The following CSMD1 variants were observed in gnomAD, a reference collection of about 807,000 sequenced individuals.
The protein encoded by CSMD1 is CUB and sushi domain-containing protein 1.
Under a neutral mutation model 417.5 loss-of-function variants are expected in CSMD1, and 213 were observed. That is an observed-to-expected ratio of 0.51 (90% CI 0.46 to 0.57). CSMD1 has a LOEUF of 0.57. Ranked by LOEUF, CSMD1 falls within the 20% of genes least tolerant of loss-of-function variation. The pLI is 0.00. For synonymous variants in CSMD1, 2,862 were observed against 1,736.8 expected (o/e 1.65, Z -16.11); for missense variants, 6,923 against 4,529.7 (o/e 1.53, Z -15.17).
chr8:4,006,819 T>C (rs1045693368), intron 4 of CSMD1, among the ~76,000 whole-genome samples: 3 of 132,112 alleles, frequency 2.3e-5, no homozygotes, highest in African/African-American at 5.8e-5. Context: ...CCAGGACTTT[T>C]CCTATTTTTT....
chr8:4,037,921 G>A (rs1036421755), intron 3 of CSMD1, among the ~76,000 whole-genome samples: 1 of 151,842 alleles, frequency 6.6e-6, no homozygotes, highest in Non-Finnish European at 1.5e-5. Context: ...GTGGGAATAG[G>A]AAAAAAAGTT....
chr8:4,085,429 A>G (rs548892724), intron 3 of CSMD1, among the ~76,000 whole-genome samples: 1 of 152,210 alleles, frequency 6.6e-6, no homozygotes, highest in Non-Finnish European at 1.5e-5. Flanking sequence ...GATTTTGATT[A>G]TTTAGAAAAT....
chr8:4,746,472 G>T (rs547615693), intron 1 of CSMD1, among the ~76,000 whole-genome samples: 2 of 152,202 alleles, frequency 1.3e-5, no homozygotes, highest in Non-Finnish European at 2.9e-5. Context: ...GCTCCCTCAA[G>T]AATGAGTGAT....
chr8:3,694,822 G>T (rs576207052), intron 7 of CSMD1, among the ~76,000 whole-genome samples: 2 of 151,938 alleles, frequency 1.3e-5, no homozygotes, highest in Non-Finnish European at 1.5e-5. Flanking sequence ...GGGGAACGCG[G>T]CAAGGAATGA....
chr8:4,284,874 A>G (rs1159787286), intron 3 of CSMD1, among the ~76,000 whole-genome samples: 1 of 152,306 alleles, frequency 6.6e-6, no homozygotes, highest in East Asian at 1.9e-4. Context: ...AAACTAGTTT[A>G]AAAAACACTT....
At position 4,458,789 on chromosome 8, in the gene CSMD1, A is replaced by G. The variant is rs188683854; in HGVS notation, c.303-38724T>C. 1.3e-3 allele frequency among the ~76,000 whole-genome samples: 194 copies of G among 151,962 alleles called. 1 individual carries two copies. The highest frequency in any genetic ancestry group is 4.4e-3 in the African/African-American group (182 of 41,234). On this transcript the variant is annotated intron_variant, in intron 2 of 69. Transcript: ENST00000635120. Reference sequence around the variant, plus strand: ...ATTGAATAAGATAACGGTTAGGAATATTTAATTTTTTTTAACAACTTTTCA... The same window carrying G: ...ATTGAATAAGATAACGGTTAGGAATGTTTAATTTTTTTTAACAACTTTTCA...
chr8:4,936,564 C>T (rs990417833), intron 1 of CSMD1, among the ~76,000 whole-genome samples: 3 of 152,190 alleles, frequency 2.0e-5, no homozygotes, highest in Non-Finnish European at 4.4e-5. Flanking sequence ...AATTCATAAG[C>T]ATTTTAAGTA....
At chr8:2,953,764 G>C (rs1003302636) in intron 65 of CSMD1, among the ~76,000 whole-genome samples, 3 of 152,218 alleles carry the variant, frequency 2.0e-5, no homozygotes, top group African/African-American at 4.8e-5. Context: ...AGAAGGCAAA[G>C]CATGCCTAGA....
intron 23 of CSMD1, among the ~76,000 whole-genome samples, chr8:3,315,433 A>AGAGAGTGT (rs1563263704): frequency 2.2e-5 from 1 of 44,810 alleles, no homozygotes; most frequent in African/African-American, 7.7e-5. Context: ...TTCTAGGTGA[A>AGAGAGTGT]GTGAGTGTGT....
intron 5 of CSMD1, among the ~76,000 whole-genome samples, chr8:3,941,560 T>C (rs764836022): frequency 6.6e-6 from 1 of 152,184 alleles, no homozygotes; most frequent in Non-Finnish European, 1.5e-5. Context: ...GTGGGTTTCC[T>C]TGGATATTTT....
rs1798966916 is a variant in CSMD1, at chr8:3,777,717, A to G, written c.819-23675T>C. On this transcript the variant is annotated intron_variant, in intron 5 of 69. Coordinates refer to ENST00000635120, the MANE Select transcript of CSMD1 (RefSeq NM_033225.6). ...GACCTGCGGCCTCCTTCAGATGCAG[A>G]GTCTCAGGCCACACTCCAGACCTGC... Among the ~76,000 whole-genome samples the G allele has an allele frequency of 3.3e-5, 5 of 152,258 alleles. No homozygotes were observed. In the South Asian group the frequency reaches 1.0e-3, roughly 32 times the overall value.
intron 3 of CSMD1, among the ~76,000 whole-genome samples, chr8:4,325,560 T>C (rs936745977): frequency 6.6e-6 from 1 of 152,164 alleles, no homozygotes; most frequent in African/African-American, 2.4e-5. Flanking sequence ...ATGCCTACCT[T>C]GTTAGCTTTT....
At chr8:3,832,991 C>T (rs952047141) in intron 5 of CSMD1, among the ~76,000 whole-genome samples, 52 of 152,120 alleles carry the variant, frequency 3.4e-4, no homozygotes, top group African/African-American at 1.3e-3. Flanking sequence ...ACACTGTTTT[C>T]TTTTTATATT....
intron 5 of CSMD1, among the ~76,000 whole-genome samples, chr8:3,867,045 T>G (rs971533262): frequency 6.6e-6 from 1 of 152,214 alleles, no homozygotes; most frequent in African/African-American, 2.4e-5. Flanking sequence ...ACTTGTAGAA[T>G]TGCTATTTAG....
intron 3 of CSMD1, among the ~76,000 whole-genome samples, chr8:4,157,021 T>G (rs940741134): frequency 6.6e-6 from 1 of 152,128 alleles, no homozygotes; most frequent in Admixed American, 6.5e-5. Flanking sequence ...TGGCCAGGCA[T>G]TGAGGGGCAT....
chr8:4,678,954 A>C (rs1473071231), intron 1 of CSMD1, among the ~76,000 whole-genome samples: 1 of 152,218 alleles, frequency 6.6e-6, no homozygotes, highest in Non-Finnish European at 1.5e-5. Flanking sequence ...AGCCAACCTT[A>C]CCAGCTATGC....
chr8:4,122,983 G>C (rs1306135207), intron 3 of CSMD1, among the ~76,000 whole-genome samples: 1 of 152,190 alleles, frequency 6.6e-6, no homozygotes, highest in East Asian at 1.9e-4. Flanking sequence ...GTGATAATTG[G>C]CAAAGACGTG....
At chr8:3,416,838 A>G (rs1007198016) in intron 12 of CSMD1, among the ~76,000 whole-genome samples, 1 of 152,234 alleles carries the variant, frequency 6.6e-6, no homozygotes, top group African/African-American at 2.4e-5. Flanking sequence ...CATGAATGAC[A>G]GCTTTATCAG....
intron 3 of CSMD1, among the ~76,000 whole-genome samples, chr8:4,331,227 G>A (rs1422509350): frequency 6.6e-6 from 1 of 152,262 alleles, no homozygotes; most frequent in South Asian, 2.1e-4. Flanking sequence ...TCCCAGGTGA[G>A]TCCCTGTGGG....
Sources: allele counts gnomAD v4.1 joint callset (sites outside exome capture counted in the v4.1 genomes callset), GRCh38; gene constraint gnomAD v4.1.1; transcripts MANE v1.5; gene names NCBI Gene and HGNC (gene_info 2026-07-23, HGNC 2026-07-21).